SHTN1: variants seen among roughly 807,000 people sequenced by gnomAD.
The protein encoded by SHTN1 is shootin-1.
Under a neutral mutation model 83.1 loss-of-function variants are expected in SHTN1, and 42 were observed. That is an observed-to-expected ratio of 0.51 (90% CI 0.39 to 0.65). The LOEUF (loss-of-function observed/expected upper bound fraction) is 0.65, where lower values mean the gene tolerates loss of function less well. Among genes scored for constraint, SHTN1 ranks in the 30% least tolerant of loss-of-function variants. The pLI, the probability that SHTN1 is intolerant of heterozygous loss-of-function variation, is 0.00. For synonymous variants in SHTN1, 224 were observed against 247.7 expected (o/e 0.90, Z 0.90); for missense variants, 622 against 737.8 (o/e 0.84, Z 1.82).
At chr10:117,000,004 C>T (rs1851768661) in intron 1 of SHTN1, among the ~76,000 whole-genome samples, 1 of 152,190 alleles carries the variant, frequency 6.6e-6, no homozygotes, top group African/African-American at 2.4e-5. Context: ...ACTGCATGTT[C>T]ATCTCATGGG....
At chr10:117,007,877 G>T (rs971370795), upstream of SHTN1, among the ~76,000 whole-genome samples, 15 of 151,640 alleles carry the variant, frequency 9.9e-5, no homozygotes, top group African/African-American at 3.1e-4. Context: ...GTGTGGTGGC[G>T]GGCACCTGTA....
intron 1 of SHTN1, among the ~76,000 whole-genome samples, chr10:117,073,219 G>A (rs368098689): frequency 3.3e-5 from 5 of 152,260 alleles, no homozygotes; most frequent in African/African-American, 1.2e-4. Flanking sequence ...TATGTTAAAC[G>A]ACCAAACCTA....
chr10:116,891,150 T>C (rs1326979047), intron 16 of SHTN1, among the ~76,000 whole-genome samples: 6 of 152,196 alleles, frequency 3.9e-5, no homozygotes, highest in Non-Finnish European at 8.8e-5. Context: ...ACTGATAATA[T>C]AAAGGTGGGA....
At chr10:117,047,877 A>G (rs1166697961) in intron 2 of SHTN1, among the ~76,000 whole-genome samples, 1 of 150,216 alleles carries the variant, frequency 6.7e-6, no homozygotes, top group Non-Finnish European at 1.5e-5. Flanking sequence ...TCAGCCTCCC[A>G]AAATGTTGGG....
At chr10:116,977,660 C>CTGTG (rs1196264025) in intron 2 of SHTN1, among the ~76,000 whole-genome samples, 7 of 57,662 alleles carry the variant, frequency 1.2e-4, no homozygotes, top group African/African-American at 3.7e-4. Flanking sequence ...GACTTTCTTA[C>CTGTG]TCTGTGTGTG....
intron 2 of SHTN1, among the ~76,000 whole-genome samples, chr10:116,971,694 A>G (rs1850626779): frequency 1.3e-5 from 2 of 152,218 alleles, no homozygotes; most frequent in South Asian, 4.1e-4. Context: ...AGTGAAATAT[A>G]TCTGGTGCTT....
chr10:117,059,246 A>C (rs1852867592), intron 1 of SHTN1, among the ~76,000 whole-genome samples: 1 of 152,248 alleles, frequency 6.6e-6, no homozygotes, highest in African/African-American at 2.4e-5. Flanking sequence ...AATCACTCAC[A>C]CATTGCTGGT....
rs1440671470 is a variant in SHTN1 at position 116,911,970 on chromosome 10, A to C, written c.1306-127T>G. The C allele has an allele frequency of 7.2e-6, 5 of 696,780 alleles. No homozygotes were observed. In the African/African-American group the frequency reaches 7.2e-5, roughly 10 times the overall value. The allele number at this position is 696,780 out of a possible 1,614,324, so 43.2% of individuals were successfully genotyped here. ...TATGTATGACTATATATATTTTTAAATTAGGACTATGTCTTAAGGTTAGGA... is the reference window on the plus strand; with the variant it reads ...TATGTATGACTATATATATTTTTAACTTAGGACTATGTCTTAAGGTTAGGA... On this transcript the variant is annotated intron_variant, in intron 13 of 16. Transcript: ENST00000355371.
intron 4 of SHTN1, among the ~76,000 whole-genome samples, chr10:116,955,227 T>C (rs1031171942): frequency 8.5e-5 from 13 of 152,190 alleles, no homozygotes; most frequent in Non-Finnish European, 1.9e-4. Flanking sequence ...AATGTGTTTA[T>C]GTACAAGAAA....
At chr10:116,933,922 T>C (rs1849060686) in intron 9 of SHTN1, among the ~76,000 whole-genome samples, 1 of 152,254 alleles carries the variant, frequency 6.6e-6, no homozygotes, top group South Asian at 2.1e-4. Flanking sequence ...TGACCAGTGA[T>C]GATGAGCTTT....
chr10:117,112,586 G>A (rs140425377), intron 1 of SHTN1, among the ~76,000 whole-genome samples: 4 of 152,144 alleles, frequency 2.6e-5, no homozygotes, highest in South Asian at 4.1e-4. Flanking sequence ...TTATAGCTGA[G>A]GAAACAAAGG....
chr10:117,056,785 T>C (rs1852832002), intron 1 of SHTN1, among the ~76,000 whole-genome samples: 1 of 152,164 alleles, frequency 6.6e-6, no homozygotes, highest in Non-Finnish European at 1.5e-5. Context: ...CACTCCAGCC[T>C]AGGCAATAGA....
chr10:116,910,344 C>T (rs1848140404), intron 14 of SHTN1, among the ~76,000 whole-genome samples: 1 of 152,186 alleles, frequency 6.6e-6, no homozygotes, highest in Middle Eastern at 3.4e-3. Flanking sequence ...AAGATAGATC[C>T]AAGGCAAGAA....
At chr10:116,932,531 A>C (rs1849010106) in intron 9 of SHTN1, among the ~76,000 whole-genome samples, 2 of 152,132 alleles carry the variant, frequency 1.3e-5, no homozygotes, top group Non-Finnish European at 2.9e-5. Context: ...AGTGCCAAAA[A>C]GATTGGGGAT....
At chr10:117,075,085 T>C (rs546990980) in intron 1 of SHTN1, among the ~76,000 whole-genome samples, 1 of 152,310 alleles carries the variant, frequency 6.6e-6, no homozygotes, top group Admixed American at 6.5e-5. Flanking sequence ...TATTAAAACA[T>C]GGAAACTGTA....
chr10:116,925,773 A>G (rs1351881696), intron 11 of SHTN1, among the ~76,000 whole-genome samples: 2 of 152,058 alleles, frequency 1.3e-5, no homozygotes, highest in African/African-American at 2.4e-5. Flanking sequence ...TCTTCTATCT[A>G]TTCTTGGAGT....
At chr10:117,104,254 A>G (rs1009062731) in intron 1 of SHTN1, among the ~76,000 whole-genome samples, 1 of 152,004 alleles carries the variant, frequency 6.6e-6, no homozygotes, top group African/African-American at 2.4e-5. Flanking sequence ...TCTCTCATAA[A>G]ATCTTCCCTT....
intron 1 of SHTN1, among the ~76,000 whole-genome samples, chr10:117,057,258 T>TGGTGAATTTC (rs1282763141): frequency 2.6e-5 from 4 of 152,174 alleles, no homozygotes; most frequent in Non-Finnish European, 4.4e-5. Flanking sequence ...GGGTTAATTT[T>TGGTGAATTTC]GGTGAATTTC....
intron 1 of SHTN1, among the ~76,000 whole-genome samples, chr10:117,060,639 A>C (rs1207235475): frequency 6.6e-6 from 1 of 152,218 alleles, no homozygotes; most frequent in African/African-American, 2.4e-5. Flanking sequence ...CAACCAAGAA[A>C]ACAAACCAGA....
Sources: gnomAD v4.1 joint callset for allele counts (sites outside exome capture counted in the v4.1 genomes callset) on GRCh38, gnomAD v4.1.1 for gene constraint, MANE v1.5 for transcripts, NCBI Gene and HGNC (gene_info 2026-07-23, HGNC 2026-07-21) for gene names.